The following GRID2 variants were observed in gnomAD, a reference collection of about 807,000 sequenced individuals.
GRID2 encodes glutamate ionotropic receptor delta type subunit 2.
A neutral mutation model predicts 114.8 loss-of-function variants in GRID2; 33 were observed. That is an observed-to-expected ratio of 0.29 (90% confidence interval 0.22 to 0.38). The LOEUF (loss-of-function observed/expected upper bound fraction) is 0.38. GRID2 is among the 10% of genes least tolerant of loss of function. GRID2 has a pLI of 1.00. For synonymous variants in GRID2, 505 were observed against 449.9 expected (o/e 1.12, Z -1.55); for missense variants, 1,184 against 1,257.7 (o/e 0.94, Z 0.89).
intron 8 of GRID2, among the ~76,000 whole-genome samples, chr4:93,384,148 G>A (rs1764108445): frequency 6.6e-6 from 1 of 152,096 alleles, no homozygotes; most frequent in Non-Finnish European, 1.5e-5. Flanking sequence ...AAAGGGGAAG[G>A]CAACTTCCTT....
intron 2 of GRID2, among the ~76,000 whole-genome samples, chr4:93,028,567 C>T (rs879661792): frequency 6.6e-6 from 1 of 151,930 alleles, no homozygotes; most frequent in African/African-American, 2.4e-5. Context: ...GTATGCAGAG[C>T]AAATCTAATT....
At chr4:92,811,859 G>A (rs1422933911) in intron 2 of GRID2, among the ~76,000 whole-genome samples, 3 of 151,992 alleles carry the variant, frequency 2.0e-5, no homozygotes, top group Non-Finnish European at 4.4e-5. Flanking sequence ...ATTCAAAATC[G>A]TGACGTACTT....
chr4:93,788,403 TCAGTTCTCAA>T (rs924360152), intron 1 of GRID2, among the ~76,000 whole-genome samples: 2 of 152,104 alleles, frequency 1.3e-5, no homozygotes, highest in Non-Finnish European at 2.9e-5. Flanking sequence ...AATAAGAGTT[TCAGTTCTCAA>T]CACATACATA....
chr4:93,435,635 T>A (rs1721009830), intron 10 of GRID2, among the ~76,000 whole-genome samples: 1 of 152,204 alleles, frequency 6.6e-6, no homozygotes, highest in African/African-American at 2.4e-5. Flanking sequence ...TACATGCTCT[T>A]ACTAATTTGA....
At chr4:93,102,581 T>C (rs888725371) in intron 3 of GRID2, among the ~76,000 whole-genome samples, 1 of 151,584 alleles carries the variant, frequency 6.6e-6, no homozygotes, top group African/African-American at 2.4e-5. Flanking sequence ...ACATGGAGAG[T>C]TCGAACTAAC....
At chr4:92,661,930 A>G (rs796313462) in intron 2 of GRID2, among the ~76,000 whole-genome samples, 2 of 151,240 alleles carry the variant, frequency 1.3e-5, no homozygotes, top group South Asian at 4.1e-4. Context: ...TAAAAATGCT[A>G]GTTACTATGG....
chr4:93,726,361 A>C (rs1408175957), intron 14 of GRID2, among the ~76,000 whole-genome samples: 2 of 152,190 alleles, frequency 1.3e-5, no homozygotes, highest in African/African-American at 4.8e-5. Context: ...TTTTGGTACC[A>C]GTACCATGCT....
chr4:92,434,229 G>GT (rs891076932), intron 1 of GRID2, among the ~76,000 whole-genome samples: 29 of 151,802 alleles, frequency 1.9e-4, no homozygotes, highest in African/African-American at 2.7e-4. Flanking sequence ...TTCATGGACT[G>GT]TTTTTTTTGC....
At chr4:93,384,969 A>G (rs1030115326) in intron 8 of GRID2, among the ~76,000 whole-genome samples, 2 of 152,196 alleles carry the variant, frequency 1.3e-5, no homozygotes, top group African/African-American at 4.8e-5. Context: ...AGCATTTTCA[A>G]CATGCCTGTT....
intron 1 of GRID2, among the ~76,000 whole-genome samples, chr4:92,529,784 A>G (rs115470994): frequency 0.027 from 4,106 of 152,248 alleles, 142 homozygotes; most frequent in African/African-American, 0.079. Flanking sequence ...GTCAGGGATG[A>G]ATTGCAAGTA....
At chr4:92,873,431 T>C (rs1745413021) in intron 2 of GRID2, among the ~76,000 whole-genome samples, 1 of 152,098 alleles carries the variant, frequency 6.6e-6, no homozygotes, top group Admixed American at 6.5e-5. Context: ...CACGATTATA[T>C]GTATTTTCAA....
At chr4:93,462,901 C>G (rs1305607519) in intron 11 of GRID2, among the ~76,000 whole-genome samples, 1 of 152,082 alleles carries the variant, frequency 6.6e-6, no homozygotes, top group African/African-American at 2.4e-5. Flanking sequence ...TTTACTGACC[C>G]TAGTGAACAG....
At chr4:92,925,342 A>G (rs1048034737) in intron 2 of GRID2, among the ~76,000 whole-genome samples, 8 of 152,086 alleles carry the variant, frequency 5.3e-5, no homozygotes, top group African/African-American at 1.7e-4. Flanking sequence ...CACTCATGTC[A>G]AGAAACATTA....
intron 2 of GRID2, among the ~76,000 whole-genome samples, chr4:92,759,749 A>G (rs895985187): frequency 1.1e-4 from 16 of 150,502 alleles, no homozygotes; most frequent in Middle Eastern, 3.5e-3. Flanking sequence ...GATTACAGAC[A>G]TGCGCCACCA....
chr4:93,459,088 G>A (rs1049588482), intron 11 of GRID2, among the ~76,000 whole-genome samples: 3 of 150,318 alleles, frequency 2.0e-5, no homozygotes, highest in African/African-American at 7.4e-5. Context: ...GCTGAGGCTG[G>A]AGAATTGCTT....
chr4:93,066,724 T>C (rs1043687331), intron 2 of GRID2, among the ~76,000 whole-genome samples: 1 of 152,054 alleles, frequency 6.6e-6, no homozygotes. Context: ...TCATTCCTTA[T>C]TAAGTCAAGA....
intron 11 of GRID2, among the ~76,000 whole-genome samples, chr4:93,471,283 G>C (rs1337558012): frequency 6.6e-6 from 1 of 152,162 alleles, no homozygotes; most frequent in Non-Finnish European, 1.5e-5. Flanking sequence ...GCTTCTTATA[G>C]ATAGGCTGCA....
intron 14 of GRID2, among the ~76,000 whole-genome samples, chr4:93,715,391 T>C (rs1380081924): frequency 6.6e-6 from 1 of 152,312 alleles, no homozygotes; most frequent in Non-Finnish European, 1.5e-5. Context: ...TTCTTTTTGC[T>C]TAGGATTGTC....
chr4:93,567,378 ACT>A (rs1367231389), intron 13 of GRID2, among the ~76,000 whole-genome samples: 1 of 152,158 alleles, frequency 6.6e-6, no homozygotes, highest in African/African-American at 2.4e-5. Context: ...CATTAGTAAC[ACT>A]CGTACAAATC....
Sources: gnomAD v4.1 joint callset for allele counts (sites outside exome capture counted in the v4.1 genomes callset) on GRCh38, gnomAD v4.1.1 for gene constraint, MANE v1.5 for transcripts, NCBI Gene and HGNC (gene_info 2026-07-23, HGNC 2026-07-21) for gene names.